ELMO1: variants seen among roughly 807,000 people sequenced by gnomAD.
ELMO1 encodes the protein engulfment and cell motility 1.
A neutral mutation model predicts 98.9 loss-of-function variants in ELMO1; 26 were observed. The ratio of observed to expected loss-of-function variants is 0.26; its 90% CI spans 0.19 to 0.36. The LOEUF (loss-of-function observed/expected upper bound fraction) is 0.36. ELMO1 is among the 10% of genes least tolerant of loss of function. ELMO1 has a pLI of 1.00. For missense variants in ELMO1, 627 were observed against 935.2 expected (o/e 0.67, Z 4.30); for synonymous variants, 346 against 346.0 (o/e 1.00, Z 0.00).
At chr7:37,074,857 T>C (rs908462563) in intron 15 of ELMO1, among the ~76,000 whole-genome samples, 1 of 152,104 alleles carries the variant, frequency 6.6e-6, no homozygotes, top group East Asian at 1.9e-4. Flanking sequence ...CATTAGAAAT[T>C]TAAGGCAAAA....
intron 15 of ELMO1, among the ~76,000 whole-genome samples, chr7:37,044,869 A>G (rs1346933163): frequency 1.3e-5 from 2 of 152,182 alleles, no homozygotes; most frequent in Non-Finnish European, 2.9e-5. Context: ...TATGAATTAG[A>G]GAAGTAATGT....
chr7:37,099,335 T>C (rs1233984824), intron 14 of ELMO1, among the ~76,000 whole-genome samples: 1 of 152,250 alleles, frequency 6.6e-6, no homozygotes, highest in Non-Finnish European at 1.5e-5. Context: ...GATATTACTA[T>C]AGTGAGAGAT....
chr7:37,168,245 T>C (rs1789868468), intron 13 of ELMO1, among the ~76,000 whole-genome samples: 1 of 152,190 alleles, frequency 6.6e-6, no homozygotes, highest in South Asian at 2.1e-4. Context: ...TTCGTCTAAA[T>C]TTTTTTCAAA....
intron 13 of ELMO1, among the ~76,000 whole-genome samples, chr7:37,181,733 G>A (rs569569524): frequency 3.9e-5 from 6 of 152,332 alleles, no homozygotes; most frequent in African/African-American, 1.4e-4. Context: ...CACACAGCTA[G>A]TAAGTGCCTA....
In ELMO1 at chr7:37,271,875, T is replaced by C. The variant is rs1271600542; in HGVS notation, c.200A>G (p.Asn67Ser). 20 of 1,613,920 alleles carry C rather than the reference T, an allele frequency of 1.2e-5. No individual in the cohort carries two copies. Among genetic ancestry groups the C allele is most frequent in the Non-Finnish European group, 1.6e-5 (19 of 1,179,968 alleles). The change falls in exon 5 of 22, where the codon AAT becomes AGT. Residue 67 changes from asparagine (N) to serine (S), a missense_variant. Physicochemically the swap from Asn to Ser is conservative, Grantham distance 46. Coordinates refer to ENST00000310758, the MANE Select transcript of ELMO1 (RefSeq NM_014800.11). ...AAGGATAGTGCCATTTTTTATCTCA[T>C]TGCGGTTCTGGAAAAGAAGAAAAAA... Reference protein sequence around the residue: ...SNFYITEKNRNEIKNGTILRL... With the variant: ...SNFYITEKNRSEIKNGTILRL...
chr7:37,373,697 A>G (rs912375746), intron 1 of ELMO1, among the ~76,000 whole-genome samples: 1 of 152,198 alleles, frequency 6.6e-6, no homozygotes, highest in African/African-American at 2.4e-5. Context: ...ACAACTCAAT[A>G]CATTATCATA....
intron 16 of ELMO1, among the ~76,000 whole-genome samples, chr7:36,954,039 A>T (rs1788234282): frequency 6.6e-6 from 1 of 152,150 alleles, no homozygotes. Context: ...TACAACTTGG[A>T]CCCTTGCTCT....
intron 15 of ELMO1, among the ~76,000 whole-genome samples, chr7:37,050,653 CACACACAA>C (rs1562922888): frequency 1.4e-5 from 2 of 145,950 alleles, no homozygotes; most frequent in Admixed American, 7.0e-5. Context: ...CACACACACA[CACACACAA>C]AAGGTAACTA....
intron 1 of ELMO1, among the ~76,000 whole-genome samples, chr7:37,344,032 C>CTTTT (rs759843000): frequency 2.8e-5 from 2 of 71,510 alleles, no homozygotes; most frequent in Non-Finnish European, 3.0e-5. Flanking sequence ...TAAAAGGCAG[C>CTTTT]ATTTTTTTTT....
chr7:37,279,861 G>A (rs983839770), intron 4 of ELMO1, among the ~76,000 whole-genome samples: 1 of 152,128 alleles, frequency 6.6e-6, no homozygotes, highest in Non-Finnish European at 1.5e-5. Flanking sequence ...AGCCTGTCAC[G>A]GCCGGCCTTC....
rs943124072 is a variant in ELMO1, at chr7:37,378,268, G to A, written c.-73-35505C>T. On this transcript the variant is annotated intron_variant, in intron 1 of 21. Transcript: ENST00000310758. ...AGAGCTGTAGCCTCAGAAGGCCAGT[G>A]CTGGGGTACTGTGTGGCCTGTACAA... Among the ~76,000 whole-genome samples the A allele has an allele frequency of 5.3e-5, 8 of 152,318 alleles. 1 individual carries two copies. Among genetic ancestry groups the A allele is most frequent in the Admixed American group, 4.6e-4 (7 of 15,296 alleles).
At chr7:37,243,073 T>C (rs533002881) in intron 7 of ELMO1, among the ~76,000 whole-genome samples, 1 of 152,352 alleles carries the variant, frequency 6.6e-6, no homozygotes, top group South Asian at 2.1e-4. Flanking sequence ...GTTAGTCTGA[T>C]TGTGCTACTG....
chr7:37,320,421 A>C (rs556147039), intron 2 of ELMO1, among the ~76,000 whole-genome samples: 62 of 152,268 alleles, frequency 4.1e-4, no homozygotes, highest in South Asian at 1.0e-3. Flanking sequence ...AACAAACAAA[A>C]AAAAATCCCA....
chr7:36,992,977 A>G (rs1791972857), intron 16 of ELMO1, among the ~76,000 whole-genome samples: 1 of 152,222 alleles, frequency 6.6e-6, no homozygotes, highest in African/African-American at 2.4e-5. Flanking sequence ...ATTACACTAC[A>G]TCAGAAAAGA....
intron 13 of ELMO1, among the ~76,000 whole-genome samples, chr7:37,179,936 A>G (rs1476113637): frequency 6.6e-6 from 1 of 152,242 alleles, no homozygotes; most frequent in Non-Finnish European, 1.5e-5. Flanking sequence ...ATTTTTCACC[A>G]TGCCATAGAA....
intron 1 of ELMO1, among the ~76,000 whole-genome samples, chr7:37,445,479 TG>T (rs1450599753): frequency 6.6e-6 from 1 of 152,172 alleles, no homozygotes; most frequent in African/African-American, 2.4e-5. Context: ...TTAGGCAACC[TG>T]ATGAAGTAAG....
At chr7:37,283,689 G>T (rs908676391) in intron 4 of ELMO1, among the ~76,000 whole-genome samples, 6 of 152,218 alleles carry the variant, frequency 3.9e-5, no homozygotes, top group African/African-American at 1.4e-4. Flanking sequence ...CATGGGGAAG[G>T]CCTCAAGCCT....
chr7:37,356,758 A>G (rs1203900614), intron 1 of ELMO1, among the ~76,000 whole-genome samples: 1 of 151,954 alleles, frequency 6.6e-6, no homozygotes, highest in African/African-American at 2.4e-5. Context: ...TTAAAGTATA[A>G]TTAAAAAAAA....
At chr7:37,146,697 T>G (rs1464132253) in intron 13 of ELMO1, among the ~76,000 whole-genome samples, 1 of 152,138 alleles carries the variant, frequency 6.6e-6, no homozygotes, top group African/African-American at 2.4e-5. Flanking sequence ...TAACAGGAAT[T>G]TATTAATAAG....
Sources: gnomAD v4.1 joint callset for allele counts (sites outside exome capture counted in the v4.1 genomes callset) on GRCh38, gnomAD v4.1.1 for gene constraint, MANE v1.5 for transcripts, NCBI Gene and HGNC (gene_info 2026-07-23, HGNC 2026-07-21) for gene names.